The following NRXN1 variants were observed in gnomAD, a reference collection of about 807,000 sequenced individuals.
NRXN1 encodes the protein neurexin-1.
In NRXN1, 39 loss-of-function variants were observed where a neutral mutation model predicts 150.9. The ratio of observed to expected loss-of-function variants is 0.26; its 90% CI spans 0.20 to 0.34. The LOEUF is 0.34. NRXN1 is among the 10% of genes least tolerant of loss of function. The pLI is 1.00. For missense variants in NRXN1, 1,815 were observed against 1,949.9 expected, an observed-to-expected ratio of 0.93 and a Z score of 1.30; for synonymous variants, 924 against 757.0, an observed-to-expected ratio of 1.22 and a Z score of -3.62.
intron 17 of NRXN1, among the ~76,000 whole-genome samples, chr2:50,322,034 CAAAA>C (rs10707210): frequency 1.0e-3 from 122 of 117,566 alleles, no homozygotes; most frequent in East Asian, 4.3e-3. Context: ...ATTACAACAT[CAAAA>C]AAAAAAAAAA....
intron 17 of NRXN1, among the ~76,000 whole-genome samples, chr2:50,464,663 CA>C (rs2088622694): frequency 6.6e-6 from 1 of 151,856 alleles, no homozygotes; most frequent in Non-Finnish European, 1.5e-5. Flanking sequence ...ACAACCAGGT[CA>C]ATTTGTCAGG....
rs537961490 is a variant in NRXN1, at chr2:50,268,864, C to A, written c.3365-31894G>T. On this transcript the variant is annotated intron_variant, in intron 17 of 22. Transcript: ENST00000401669. ...AGCATAGGTGCATAACCAATGTCTT[C>A]TTTGTGCCTCTGAGTTGCAAACGCA... Among the ~76,000 whole-genome samples the A allele has an allele frequency of 1.4e-4, 22 of 152,240 alleles. No individual in the cohort carries two copies. In the East Asian group the frequency reaches 4.3e-3, roughly 29 times the overall value.
intron 17 of NRXN1, among the ~76,000 whole-genome samples, chr2:50,326,442 A>G (rs2076389334): frequency 6.6e-6 from 1 of 152,214 alleles, no homozygotes; most frequent in Non-Finnish European, 1.5e-5. Context: ...TAAGTATTTT[A>G]ATTTCTTACG....
At chr2:50,514,065 T>C (rs886687864) in intron 12 of NRXN1, among the ~76,000 whole-genome samples, 3 of 152,178 alleles carry the variant, frequency 2.0e-5, no homozygotes, top group African/African-American at 7.2e-5. Context: ...GTCTAACATA[T>C]TCATTGTAAT....
chr2:50,402,335 AT>A (rs1014275695), intron 17 of NRXN1, among the ~76,000 whole-genome samples: 1 of 151,842 alleles, frequency 6.6e-6, no homozygotes, highest in African/African-American at 2.4e-5. Context: ...ATCAGCTATA[AT>A]TTTTTCCACA....
In NRXN1 at chr2:50,457,857, A is replaced by G. The variant is rs183377299; in HGVS notation, c.3364+7585T>C. ...ACACATGCTGGCAAAAATTTGGAAA[A>G]AGAGAAATGCTTGTACACTGCTGGT... On this transcript the variant is annotated intron_variant, in intron 17 of 22. Transcript: ENST00000401669. Among the ~76,000 whole-genome samples the G allele has an allele frequency of 7.1e-4, 108 of 152,308 alleles. 1 individual carries two copies. Among genetic ancestry groups the G allele is most frequent in the Admixed American group, 3.0e-3 (46 of 15,284 alleles).
intron 17 of NRXN1, among the ~76,000 whole-genome samples, chr2:50,336,870 C>T (rs1273546718): frequency 1.3e-5 from 2 of 151,972 alleles, no homozygotes; most frequent in Non-Finnish European, 2.9e-5. Flanking sequence ...TGCCTAAAAA[C>T]TAATTGGAAG....
intron 5 of NRXN1, among the ~76,000 whole-genome samples, chr2:50,669,362 A>AT (rs1411527120): frequency 6.6e-6 from 1 of 151,920 alleles, no homozygotes; most frequent in Non-Finnish European, 1.5e-5. Flanking sequence ...GTAGAATATA[A>AT]TTTTTCCTGA....
chr2:50,775,787 T>C (rs1703545340), intron 5 of NRXN1, among the ~76,000 whole-genome samples: 1 of 152,164 alleles, frequency 6.6e-6, no homozygotes, highest in Admixed American at 6.5e-5. Flanking sequence ...ACTTTTGTCT[T>C]AACATTTTGG....
At position 50,266,536 on chromosome 2, in the gene NRXN1, TACAC is replaced by T. The variant is rs67570666; in HGVS notation, c.3365-29570_3365-29567del. 4.6e-3 allele frequency among the ~76,000 whole-genome samples: 524 copies of T among 112,792 alleles called. 5 individuals are homozygous for T. The highest frequency in any genetic ancestry group is 0.012 in the East Asian group (55 of 4,528). The allele number at this position is 112,792 out of a possible 152,430, so 74.0% of individuals were successfully genotyped here. ...AAATATATTTATATATGTATATAAA[TACAC>T]ACACACACACACACACACACACACA... is the stretch of plus-strand genomic sequence containing the variant. On this transcript the variant is annotated intron_variant, in intron 17 of 22. Coordinates refer to ENST00000401669, the MANE Select transcript of NRXN1 (RefSeq NM_001330078.2).
intron 17 of NRXN1, among the ~76,000 whole-genome samples, chr2:50,353,739 C>T (rs2153003308): frequency 6.6e-6 from 1 of 152,070 alleles, no homozygotes; most frequent in African/African-American, 2.4e-5. Context: ...TTAATTTGGC[C>T]ATATTCTAAA....
At chr2:50,720,148 A>G (rs985680010) in intron 5 of NRXN1, among the ~76,000 whole-genome samples, 3 of 152,092 alleles carry the variant, frequency 2.0e-5, no homozygotes, top group Non-Finnish European at 4.4e-5. Context: ...GGATCAGAAC[A>G]TGCAATTTCT....
chr2:50,605,329 C>G (rs12713118), intron 8 of NRXN1, among the ~76,000 whole-genome samples: 78,255 of 151,984 alleles, frequency 0.51, 20,282 homozygotes, highest in South Asian at 0.6. Context: ...ATTTGTAAAT[C>G]CAGCATCTAG....
intron 5 of NRXN1, among the ~76,000 whole-genome samples, chr2:50,635,332 T>TG (rs1285371305): frequency 6.6e-6 from 1 of 150,942 alleles, no homozygotes; most frequent in Non-Finnish European, 1.5e-5. Flanking sequence ...TTTTTTTTTT[T>TG]TTTTCTGTAT....
At chr2:50,638,320 A>C (rs1683535228) in intron 5 of NRXN1, among the ~76,000 whole-genome samples, 1 of 152,138 alleles carries the variant, frequency 6.6e-6, no homozygotes, top group Non-Finnish European at 1.5e-5. Context: ...TTTAAAACTC[A>C]ATGTTTTGCA....
At chr2:50,017,978 G>A (rs907688209) in intron 21 of NRXN1, among the ~76,000 whole-genome samples, 12 of 152,022 alleles carry the variant, frequency 7.9e-5, no homozygotes, top group South Asian at 4.2e-4. Flanking sequence ...AGGATGCTAC[G>A]GTATTTTTAA....
chr2:50,709,752 G>A (rs771164309), intron 5 of NRXN1, among the ~76,000 whole-genome samples: 1 of 152,134 alleles, frequency 6.6e-6, no homozygotes, highest in Non-Finnish European at 1.5e-5. Flanking sequence ...TATGCTTAAG[G>A]AATGAACTAT....
intron 18 of NRXN1, among the ~76,000 whole-genome samples, chr2:50,218,479 G>C (rs890251527): frequency 4.1e-5 from 6 of 145,572 alleles, no homozygotes; most frequent in Non-Finnish European, 9.0e-5. Flanking sequence ...TCTCCTTAAA[G>C]TTAGCACCTT....
chr2:50,506,666 C>A, intron 12 of NRXN1, 49 bp from the exon 13 acceptor site: 1 of 1,589,378 alleles, frequency 6.3e-7, no homozygotes, highest in Non-Finnish European at 8.6e-7. Context: ...ATCAGTCAAG[C>A]AAATGAACCT....
Sources: allele counts gnomAD v4.1 joint callset (sites outside exome capture counted in the v4.1 genomes callset), GRCh38; gene constraint gnomAD v4.1.1; transcripts MANE v1.5; gene names NCBI Gene and HGNC (gene_info 2026-07-23, HGNC 2026-07-21).